The following SBNO2 variants were observed in gnomAD, a reference collection of about 807,000 sequenced individuals.
The protein encoded by SBNO2 is strawberry notch homolog 2.
SBNO2 carries 89 observed loss-of-function variants against 146.3 expected under a neutral mutation model. The ratio of observed to expected loss-of-function variants is 0.61; its 90% confidence interval spans 0.51 to 0.73. The LOEUF (loss-of-function observed/expected upper bound fraction) is 0.73. Among genes scored for constraint, SBNO2 ranks in the 30% least tolerant of loss-of-function variants. The probability of loss-of-function intolerance (pLI) is 0.00; values close to 1 mark genes in which losing one functional copy is unlikely to be tolerated. For synonymous variants in SBNO2, 1,147 were observed against 892.6 expected, an observed-to-expected ratio of 1.29 and a Z score of -5.08; for missense variants, 2,092 against 2,003.7, an observed-to-expected ratio of 1.04 and a Z score of -0.84.
At chr19:1,119,803 T>C (rs903694508) in intron 12 of SBNO2, 103 bp downstream of exon 12, 4 of 1,001,254 alleles carry the variant, frequency 4.0e-6, no homozygotes, top group Non-Finnish European at 6.0e-6. Flanking sequence ...AGGAGCAGGG[T>C]GCAGACGGAG....
rs201888443 is a variant in SBNO2 at position 1,119,578 on chromosome 19, A to G, written c.1311T>C (p.Gly437=). ...GGAAGGGTGTGCCCTCGCCCCAGAT[A>G]CCCAAGCGGCTCATGTAGATCATGT... The part of the protein sequence containing the change: ...PRNMIYMSRL[G]IWGEGTPFRN... Residue 437 remains glycine, a synonymous_variant, in exon 13 of 32, where the codon GGT becomes GGC. Coordinates refer to ENST00000361757, the MANE Select transcript of SBNO2 (RefSeq NM_014963.3). 40 of 1,611,412 alleles carry G rather than the reference A, an allele frequency of 2.5e-5. No individual in the cohort carries two copies. In the African/African-American group the frequency reaches 4.1e-4, roughly 17 times the overall value.
rs200890802 is a variant in SBNO2, at chr19:1,122,938, C to T, written c.736G>A (p.Ala246Thr). Residue 246 changes from alanine to threonine, a missense_variant, in exon 8 of 32, where the codon GCC (alanine) becomes ACC (threonine). Coordinates refer to ENST00000361757, the MANE Select transcript of SBNO2 (RefSeq NM_014963.3). ...YTLALPSDSG[A>T]LSALQLEAIT... ...GCCTCTAGCTGCAGGGCAGACAGGG[C>T]CCCGCTGTCCGAGGGCAGGGCCAGG... The T allele has an allele frequency of 3.0e-5, 47 of 1,558,306 alleles. No homozygotes were observed. The East Asian group carries it at 1.1e-3, about 37-fold the overall frequency.
chr19:1,127,054 CA>C (rs2079973693), intron 5 of SBNO2, among the ~76,000 whole-genome samples: 1 of 152,220 alleles, frequency 6.6e-6, no homozygotes, highest in Non-Finnish European at 1.5e-5. Flanking sequence ...GGACAGGATC[CA>C]CCAACCTCGC....
chr19:1,147,642 G>C (rs1472021956), intron 3 of SBNO2, among the ~76,000 whole-genome samples: 1 of 151,986 alleles, frequency 6.6e-6, no homozygotes, highest in East Asian at 1.9e-4. Flanking sequence ...ACACAGCCCG[G>C]CAGAGCTCCT....
chr19:1,108,577 C>T lies in SBNO2; in HGVS notation c.3744G>A (p.Ala1248=), dbSNP rs1339676959. Residue 1248 remains alanine (A), a synonymous_variant, in exon 32 of 32, where the codon GCG becomes GCA. Coordinates refer to ENST00000361757, the MANE Select transcript of SBNO2 (RefSeq NM_014963.3). ...GCACCTCTCCGGGGCCGCAAGGCAG[C>T]GCCAGCGGGCGCGGGGCGGGCGGGG... The part of the protein sequence containing the change: ...CPAPPAPRPL[A]LPCGPGEVLD... 2.4e-6 allele frequency: 3 copies of T among 1,259,692 alleles called. No homozygotes were observed. Among genetic ancestry groups the T allele is most frequent in the East Asian group, 3.8e-5 (1 of 26,148 alleles). The allele number at this position is 1,259,692 out of a possible 1,614,324, so 78.0% of individuals were successfully genotyped here. A position where few individuals can be genotyped will look rare whatever the true frequency, so the allele number is the denominator to read the frequency against.
At chr19:1,111,875 C>T (rs2145191890) in intron 23 of SBNO2, 121 bp downstream of exon 23, 1 of 1,042,380 alleles carries the variant, frequency 9.6e-7, no homozygotes, top group East Asian at 2.6e-5. Flanking sequence ...CGGCCCTCCT[C>T]CAGACCACTG....
chr19:1,127,386 G>T, intron 5 of SBNO2: 3 of 592,230 alleles, frequency 5.1e-6, no homozygotes, highest in Non-Finnish European at 9.0e-6. Flanking sequence ...AGATGTGGTA[G>T]CCACAGATGT....
At chr19:1,111,239 C>T in intron 24 of SBNO2, 146 bp from the exon 25 acceptor site, 1 of 939,120 alleles carries the variant, frequency 1.1e-6, no homozygotes, top group South Asian at 1.7e-5. Flanking sequence ...AGGAGCGGAG[C>T]CTTTTGCCTG....
At chr19:1,171,948 G>T (rs1286769677) in intron 1 of SBNO2, among the ~76,000 whole-genome samples, 2 of 152,140 alleles carry the variant, frequency 1.3e-5, no homozygotes, top group Non-Finnish European at 2.9e-5. Flanking sequence ...ATGGATGAAC[G>T]GAGAGGCCAG....
intron 2 of SBNO2, 64 bp downstream of exon 2, chr19:1,154,120 A>T: frequency 3.8e-6 from 3 of 784,232 alleles, no homozygotes; most frequent in Non-Finnish European, 5.2e-6. Flanking sequence ...GACCCCGGGC[A>T]CTCGGAGCGG....
intron 15 of SBNO2, 106 bp from the exon 16 acceptor site, chr19:1,117,032 T>C (rs1475441277): frequency 1.8e-6 from 2 of 1,095,294 alleles, no homozygotes; most frequent in South Asian, 1.5e-5. Flanking sequence ...ACTCTGCTGC[T>C]GTGCTCGCCT....
At chr19:1,124,586 A>C (rs1387502342) in intron 5 of SBNO2, among the ~76,000 whole-genome samples, 1 of 152,192 alleles carries the variant, frequency 6.6e-6, no homozygotes, top group Non-Finnish European at 1.5e-5. Flanking sequence ...TGCACTCTCC[A>C]AGAACCCCCG....
At chr19:1,142,113 T>TCCCCTCAATGGCCTCCTTCCC (rs1390353267) in intron 4 of SBNO2, among the ~76,000 whole-genome samples, 1 of 2,338 alleles carries the variant, frequency 4.3e-4, no homozygotes. Context: ...GTGACCTCCC[T>TCCCCTCAATGGCCTCCTTCCC]CATGATCAAC....
chr19:1,147,518 G>C (rs556096917), intron 3 of SBNO2, 98 bp from the exon 4 acceptor site: 1 of 663,072 alleles, frequency 1.5e-6, no homozygotes, highest in African/African-American at 1.9e-5. Flanking sequence ...GAGGCCCCTC[G>C]AGGCCCCACT....
At chr19:1,113,040 G>A (rs2079785884) in intron 19 of SBNO2, 91 bp from the exon 20 acceptor site, 5 of 1,421,180 alleles carry the variant, frequency 3.5e-6, no homozygotes, top group Admixed American at 2.2e-5. Context: ...ATGTCCTACA[G>A]TGGTCATGGG....
chr19:1,143,123 C>T (rs953546933), intron 4 of SBNO2, among the ~76,000 whole-genome samples: 1 of 152,176 alleles, frequency 6.6e-6, no homozygotes, highest in Admixed American at 6.5e-5. Flanking sequence ...ACAGGTCACA[C>T]GATGGCTTTG....
Position 1,113,558 on chromosome 19 carries a change from C to T in SBNO2, c.2224G>A (p.Gly742Ser). 6.3e-7 allele frequency: 1 copy of T among 1,599,692 alleles called. No homozygotes were observed. Among genetic ancestry groups the T allele is most frequent in the Non-Finnish European group, 8.5e-7 (1 of 1,174,528 alleles). The change falls in exon 19 of 32, where the codon GGC becomes AGC. Residue 742 changes from glycine (G) to serine (S), a missense_variant. By Grantham distance (56) the Gly-to-Ser change is moderately conservative (BLOSUM62 0). Coordinates refer to ENST00000361757, the MANE Select transcript of SBNO2 (RefSeq NM_014963.3). The stretch of plus-strand genomic sequence containing the variant: ...ACCTCCGCCACCCGCTGGGGGCCGC[C>T]CAGCTGGTCGATGAGCTCGTCCAGG... ...NTLDELIDQL[G>S]GPQRVAEMTG...
chr19:1,109,051 CCT>C lies in SBNO2; in HGVS notation c.3425+82_3425+83del. ...CCAGGTGCCCTGAGATCTCCCGCCT[CCT>C]CTCAGGGTCTCGGGAGCCCCCGATC... is the stretch of plus-strand genomic sequence containing the variant. On this transcript the variant is annotated intron_variant, in intron 30 of 31. Transcript: ENST00000361757. The surrounding 1 kb of genome is among the most constrained non-coding windows in gnomAD (Gnocchi z 4.2). The C allele has an allele frequency of 6.6e-7, 1 of 1,513,570 alleles. No homozygotes were observed. The highest frequency in any genetic ancestry group is 1.4e-5 in the African/African-American group (1 of 72,218). The allele number at this position is 1,513,570 out of a possible 1,614,324, so 93.8% of individuals were successfully genotyped here.
chr19:1,130,783 C>G (rs1328922327), intron 4 of SBNO2, among the ~76,000 whole-genome samples: 3 of 152,158 alleles, frequency 2.0e-5, no homozygotes, highest in Admixed American at 2.0e-4. Flanking sequence ...CAGAGCAAGT[C>G]CCTGTCACAA....
Sources: allele counts gnomAD v4.1 joint callset (sites outside exome capture counted in the v4.1 genomes callset), GRCh38; gene constraint gnomAD v4.1.1; non-coding constraint Gnocchi (gnomAD v3.1); transcripts MANE v1.5; gene names NCBI Gene and HGNC (gene_info 2026-07-23, HGNC 2026-07-21).